The following LRRC7 variants were observed in gnomAD, a reference collection of about 807,000 sequenced individuals.
LRRC7 encodes leucine rich repeat containing 7, also known as leucine-rich repeat-containing protein 7.
LRRC7 carries 23 observed loss-of-function variants against 175.7 expected under a neutral mutation model. The ratio of observed to expected loss-of-function variants is 0.13; its 90% CI spans 0.09 to 0.19. The LOEUF (loss-of-function observed/expected upper bound fraction) is 0.19. Ranked by LOEUF, LRRC7 falls within the 10% of genes least tolerant of loss-of-function variation. The probability of loss-of-function intolerance (pLI) is 1.00; values close to 1 mark genes in which losing one functional copy is unlikely to be tolerated. For missense variants in LRRC7, 1,354 were observed against 1,904.7 expected, an observed-to-expected ratio of 0.71 and a Z score of 5.38; for synonymous variants, 685 against 680.9, an observed-to-expected ratio of 1.01 and a Z score of -0.09.
At chr1:70,100,538 A>AT (rs915942946) in intron 25 of LRRC7, among the ~76,000 whole-genome samples, 7 of 152,040 alleles carry the variant, frequency 4.6e-5, no homozygotes, top group Admixed American at 3.9e-4. Context: ...TTATTAATAA[A>AT]TTTTTTTACA....
In LRRC7 at chr1:69,838,244, TC is replaced by T; in HGVS notation, c.609del (p.Leu204TrpfsTer3). 6.2e-7 allele frequency: 1 copy of T among 1,609,262 alleles called. No homozygotes were observed. Among genetic ancestry groups the T allele is most frequent in the Non-Finnish European group, 8.5e-7 (1 of 1,176,676 alleles). On this transcript the variant is annotated frameshift_variant, in exon 7 of 27. Transcript: ENST00000651989. LOFTEE classifies it high-confidence loss of function. ...TTCTGTAGACTTGTCAAATTGCGGA[TC>T]TTGGAGTTAAGAGAAAATCACTTGA... is the stretch of plus-strand genomic sequence containing the variant. ...ANFGRLVKLR[I>X]LELRENHLKT...
chr1:69,958,913 T>G (rs760544120), intron 8 of LRRC7, among the ~76,000 whole-genome samples: 1 of 152,042 alleles, frequency 6.6e-6, no homozygotes, highest in Non-Finnish European at 1.5e-5. Flanking sequence ...ACTATGCATG[T>G]GAGGAGGCTG....
intron 3 of LRRC7, among the ~76,000 whole-genome samples, chr1:69,761,633 ATAT>A (rs1671046726): frequency 6.6e-6 from 1 of 152,034 alleles, no homozygotes; most frequent in African/African-American, 2.4e-5. Flanking sequence ...CCTATAAAAA[ATAT>A]TATTGACTAC....
chr1:69,885,000 C>T (rs1182678231), intron 7 of LRRC7, among the ~76,000 whole-genome samples: 1 of 149,038 alleles, frequency 6.7e-6, no homozygotes, highest in Non-Finnish European at 1.5e-5. Flanking sequence ...TTTTGATGTG[C>T]TGCTGGATTC....
chr1:69,888,237 TGATCTCA>T (rs1570514400), intron 7 of LRRC7, among the ~76,000 whole-genome samples: 1 of 152,126 alleles, frequency 6.6e-6, no homozygotes, highest in East Asian at 1.9e-4. Context: ...CCTTGCAGTT[TGATCTCA>T]GACTGCTGTG....
intron 1 of LRRC7, among the ~76,000 whole-genome samples, chr1:69,596,916 T>G (rs1255266067): frequency 1.3e-5 from 2 of 152,214 alleles, no homozygotes; most frequent in Non-Finnish European, 2.9e-5. Context: ...CTAATTTCAG[T>G]GTATTGAATG....
Position 70,128,931 on chromosome 1 carries a change from A to C in LRRC7, c.*7044A>C, listed in dbSNP as rs1666554495. 1 of 151,916 alleles carries C rather than the reference A, an allele frequency of 6.6e-6. No individual in the cohort carries two copies. The highest frequency in any genetic ancestry group is 2.1e-4 in the South Asian group (1 of 4,812). 9.4% of individuals were successfully genotyped at this position (151,916 alleles called of 1,614,324 possible). The stretch of plus-strand genomic sequence containing the variant: ...GATAGGTCTTCTGCTGGTTCTTGTG[A>C]CCTTCACACAGCTCACATAAAGAGT... On this transcript the variant is annotated 3_prime_UTR_variant, in exon 27 of 27. Coordinates refer to ENST00000651989, the MANE Select transcript of LRRC7 (RefSeq NM_001370785.2).
At chr1:69,621,218 A>G (rs1016593588) in intron 1 of LRRC7, among the ~76,000 whole-genome samples, 2 of 151,372 alleles carry the variant, frequency 1.3e-5, no homozygotes, top group Non-Finnish European at 2.9e-5. Flanking sequence ...CTAATTTTTT[A>G]TGGTTTTAGT....
At chr1:69,836,855 T>TTAAA (rs1291163352) in intron 6 of LRRC7, among the ~76,000 whole-genome samples, 1 of 151,086 alleles carries the variant, frequency 6.6e-6, no homozygotes, top group Non-Finnish European at 1.5e-5. Context: ...AAGATTAAAA[T>TTAAA]TAAATAAAAA....
At chr1:69,825,215 C>T (rs1184074549) in intron 4 of LRRC7, among the ~76,000 whole-genome samples, 1 of 152,032 alleles carries the variant, frequency 6.6e-6, no homozygotes, top group Non-Finnish European at 1.5e-5. Context: ...GTACAGCCAA[C>T]AAAAAAGAAT....
At chr1:70,103,773 CA>C (rs1664960642) in intron 25 of LRRC7, among the ~76,000 whole-genome samples, 1 of 152,080 alleles carries the variant, frequency 6.6e-6, no homozygotes, top group African/African-American at 2.4e-5. Flanking sequence ...TTGACAGAAG[CA>C]GAGAGAATGC....
intron 7 of LRRC7, among the ~76,000 whole-genome samples, chr1:69,882,820 G>C (rs1357756883): frequency 2.2e-5 from 3 of 139,106 alleles, no homozygotes; most frequent in Non-Finnish European, 4.5e-5. Context: ...GTGTCCATGT[G>C]ATCTCATTGC....
chr1:70,070,976 C>A (rs928380503), intron 23 of LRRC7, among the ~76,000 whole-genome samples: 1 of 152,188 alleles, frequency 6.6e-6, no homozygotes. Flanking sequence ...TTCTCTAACA[C>A]CACTCTAGCA....
chr1:69,998,268 T>TC (rs1655197327), intron 11 of LRRC7, among the ~76,000 whole-genome samples: 1 of 152,092 alleles, frequency 6.6e-6, no homozygotes, highest in African/African-American at 2.4e-5. Flanking sequence ...CTGTTACCTC[T>TC]CCCCCAGTCC....
chr1:69,931,658 GATTGCAC>G, intron 8 of LRRC7, 88 bp downstream of exon 8: 1 of 1,031,452 alleles, frequency 9.7e-7, no homozygotes, highest in Non-Finnish European at 1.5e-6. Flanking sequence ...GTATTAACTT[GATTGCAC>G]GTTTGCATTT....
intron 11 of LRRC7, among the ~76,000 whole-genome samples, chr1:69,995,118 G>C (rs1045219728): frequency 9.2e-5 from 14 of 152,032 alleles, no homozygotes; most frequent in African/African-American, 3.4e-4. Flanking sequence ...GCTTTAGCTA[G>C]CATTTTTTAA....
intron 23 of LRRC7, among the ~76,000 whole-genome samples, chr1:70,072,097 T>A (rs1295787176): frequency 6.6e-6 from 1 of 152,194 alleles, no homozygotes; most frequent in Non-Finnish European, 1.5e-5. Flanking sequence ...GACAGTTTTT[T>A]AGGGGGTCAA....
intron 2 of LRRC7, among the ~76,000 whole-genome samples, chr1:69,736,915 A>C (rs982396796): frequency 6.6e-6 from 1 of 152,146 alleles, no homozygotes; most frequent in Non-Finnish European, 1.5e-5. Flanking sequence ...AGGTTCTGAA[A>C]GGATGAGTCT....
intron 1 of LRRC7, among the ~76,000 whole-genome samples, chr1:69,650,848 G>A (rs980579317): frequency 1.2e-4 from 19 of 152,100 alleles, no homozygotes; most frequent in African/African-American, 4.1e-4. Context: ...AAGCATCATT[G>A]GTTTGGCACT....
Sources: gnomAD v4.1 joint callset for allele counts (sites outside exome capture counted in the v4.1 genomes callset) on GRCh38, gnomAD v4.1.1 for gene constraint, MANE v1.5 for transcripts, NCBI Gene and HGNC (gene_info 2026-07-23, HGNC 2026-07-21) for gene names.